SLC22A3: variants seen among roughly 807,000 people sequenced by gnomAD.
The protein encoded by SLC22A3 is EMT organic cation transporter 3.
A neutral mutation model predicts 59.1 loss-of-function variants in SLC22A3; 51 were observed. That is an observed-to-expected ratio of 0.86 (90% CI 0.69 to 1.09). The LOEUF (loss-of-function observed/expected upper bound fraction) is 1.09, where lower values mean the gene tolerates loss of function less well. Ranked by LOEUF, SLC22A3 falls within the 50% of genes least tolerant of loss-of-function variation. The probability of loss-of-function intolerance (pLI) is 0.00; values close to 1 mark genes in which losing one functional copy is unlikely to be tolerated. For missense variants in SLC22A3, 711 were observed against 726.3 expected (o/e 0.98, Z 0.24); for synonymous variants, 325 against 292.0 (o/e 1.11, Z -1.15).
chr6:160,412,935 A>G (rs951259964), intron 5 of SLC22A3, among the ~76,000 whole-genome samples: 1 of 152,142 alleles, frequency 6.6e-6, no homozygotes. Context: ...GAAAATAAAT[A>G]GGAATAAAGA....
chr6:160,360,782 T>C (rs1270608947), intron 1 of SLC22A3, among the ~76,000 whole-genome samples: 2 of 151,768 alleles, frequency 1.3e-5, no homozygotes, highest in African/African-American at 4.8e-5. Flanking sequence ...CCCCAACCAA[T>C]GTAGTCTTTT....
intron 6 of SLC22A3, 44 bp downstream of exon 6, chr6:160,436,921 A>G (rs898456855): frequency 1.2e-6 from 2 of 1,610,194 alleles, no homozygotes; most frequent in Non-Finnish European, 8.5e-7. Context: ...CGTTAAATTT[A>G]CAATACATCC....
At chr6:160,429,672 A>C (rs889241080) in intron 5 of SLC22A3, among the ~76,000 whole-genome samples, 2 of 152,150 alleles carry the variant, frequency 1.3e-5, no homozygotes, top group Admixed American at 1.3e-4. Flanking sequence ...GGGGAGACCA[A>C]CGCTGCTGAC....
intron 1 of SLC22A3, 59 bp downstream of exon 1, chr6:160,348,907 G>A (rs543351812): frequency 2.0e-6 from 3 of 1,534,918 alleles, no homozygotes; most frequent in Admixed American, 3.9e-5. Flanking sequence ...GCTCCCAGGC[G>A]GACAAGCCGC....
chr6:160,359,419 A>G (rs1051979259), intron 1 of SLC22A3, among the ~76,000 whole-genome samples: 2 of 152,254 alleles, frequency 1.3e-5, no homozygotes, highest in Admixed American at 1.3e-4. Flanking sequence ...TCTTACAGTT[A>G]TCAATACTCA....
intron 5 of SLC22A3, among the ~76,000 whole-genome samples, chr6:160,417,785 G>C (rs1451362302): frequency 6.6e-6 from 1 of 152,152 alleles, no homozygotes; most frequent in East Asian, 1.9e-4. Flanking sequence ...ATGTGCTTGT[G>C]TGGTTGGGCT....
chr6:160,426,354 G>A lies in SLC22A3; in HGVS notation c.976-10426G>A, dbSNP rs907807549. 1.2e-5 allele frequency: 12 copies of A among 985,360 alleles called. No individual in the cohort carries two copies. The East Asian group carries it at 1.4e-3, about 112-fold the overall frequency. The allele number at this position is 985,360 out of a possible 1,614,324, so 61.0% of individuals were successfully genotyped here. ...TTTTGGTTCTTGTTTTTTGAGGGGT[G>A]CAGAGTTGGGTTACTTAAGACTCTG... On this transcript the variant is annotated intron_variant, in intron 5 of 10. Transcript: ENST00000275300.
At chr6:160,416,389 G>A (rs553165991) in intron 5 of SLC22A3, among the ~76,000 whole-genome samples, 2 of 152,120 alleles carry the variant, frequency 1.3e-5, no homozygotes, top group African/African-American at 4.8e-5. Flanking sequence ...AATGTAGAAC[G>A]AGGATTAGCT....
chr6:160,363,979 T>G (rs1785115322), intron 1 of SLC22A3, among the ~76,000 whole-genome samples: 1 of 151,998 alleles, frequency 6.6e-6, no homozygotes, highest in African/African-American at 2.4e-5. Flanking sequence ...CCAGACAAAC[T>G]GGGACAATTG....
intron 5 of SLC22A3, among the ~76,000 whole-genome samples, chr6:160,420,983 A>G (rs1230447690): frequency 6.6e-6 from 1 of 151,990 alleles, no homozygotes; most frequent in African/African-American, 2.4e-5. Context: ...CCTCATGTCT[A>G]CCTGGTTCTT....
At chr6:160,350,164 G>A (rs963443166) in intron 1 of SLC22A3, among the ~76,000 whole-genome samples, 6 of 151,846 alleles carry the variant, frequency 4.0e-5, no homozygotes, top group Admixed American at 2.6e-4. Flanking sequence ...AACGCCGTGT[G>A]CTGCTGTGTT....
At position 160,451,064 on chromosome 6, in the gene SLC22A3, G is replaced by A. The variant is rs369591001; in HGVS notation, c.*8G>A. Reference sequence around the variant, plus strand: ...TCCCGCTCTCACCTTTGAGGCCCCCGACAAAGACAGAAAGAAGGAGCTATC... The same window carrying A: ...TCCCGCTCTCACCTTTGAGGCCCCCAACAAAGACAGAAAGAAGGAGCTATC... On this transcript the variant is annotated 3_prime_UTR_variant, in exon 11 of 11. Transcript: ENST00000275300. 4.1e-5 allele frequency: 65 copies of A among 1,586,560 alleles called. No homozygotes were observed. Among genetic ancestry groups the A allele is most frequent in the Middle Eastern group, 1.7e-4 (1 of 6,050 alleles).
intron 7 of SLC22A3, among the ~76,000 whole-genome samples, chr6:160,441,950 T>G (rs1562503435): frequency 6.6e-6 from 1 of 152,220 alleles, no homozygotes; most frequent in Admixed American, 6.5e-5. Flanking sequence ...GAGCAGTGAC[T>G]TTTTAGAGTA....
chr6:160,367,787 C>G (rs936483804), intron 1 of SLC22A3, among the ~76,000 whole-genome samples: 3 of 152,154 alleles, frequency 2.0e-5, no homozygotes, highest in Admixed American at 2.0e-4. Context: ...CTGCCATGAA[C>G]AAGAGGCCCA....
At chr6:160,448,546 A>C (rs941377013) in intron 10 of SLC22A3, among the ~76,000 whole-genome samples, 5 of 152,224 alleles carry the variant, frequency 3.3e-5, no homozygotes. Flanking sequence ...ATGATAGATA[A>C]TAAACATTAG....
intron 7 of SLC22A3, among the ~76,000 whole-genome samples, chr6:160,439,467 G>C (rs1412501828): frequency 6.6e-6 from 1 of 152,144 alleles, no homozygotes; most frequent in East Asian, 1.9e-4. Flanking sequence ...GTCCTAGATT[G>C]ATTGGGATGA....
intron 1 of SLC22A3, among the ~76,000 whole-genome samples, chr6:160,352,913 C>CCG (rs1443689942): frequency 1.3e-5 from 2 of 152,310 alleles, no homozygotes; most frequent in African/African-American, 2.4e-5. Flanking sequence ...CCTTGCCCCC[C>CCG]GGGTTCAAGC....
At position 160,451,324 on chromosome 6, in the gene SLC22A3, C is replaced by T. The variant is rs895156042; in HGVS notation, c.*268C>T. 2.3e-6 allele frequency: 1 copy of T among 440,122 alleles called. No individual in the cohort carries two copies. Among genetic ancestry groups the T allele is most frequent in the African/African-American group, 2.0e-5 (1 of 50,286 alleles). 27.3% of individuals were successfully genotyped at this position (440,122 alleles called of 1,614,324 possible). ...TGCACAGCCCTTCCTGGGTTTTTTTCTTGTGTTCCCTGTGGTCTCTGACCC... is the reference window on the plus strand; with the variant it reads ...TGCACAGCCCTTCCTGGGTTTTTTTTTTGTGTTCCCTGTGGTCTCTGACCC... On this transcript the variant is annotated 3_prime_UTR_variant, in exon 11 of 11. Transcript: ENST00000275300.
intron 1 of SLC22A3, among the ~76,000 whole-genome samples, chr6:160,359,211 C>T (rs1784939091): frequency 6.6e-6 from 1 of 152,092 alleles, no homozygotes; most frequent in African/African-American, 2.4e-5. Flanking sequence ...TCCCCCAACC[C>T]AAATCCAAAT....
Sources: gnomAD v4.1 joint callset for allele counts (sites outside exome capture counted in the v4.1 genomes callset) on GRCh38, gnomAD v4.1.1 for gene constraint, MANE v1.5 for transcripts, NCBI Gene and HGNC (gene_info 2026-07-23, HGNC 2026-07-21) for gene names.